Variants in ULK4 observed in about 807,000 individuals in gnomAD.
The protein encoded by ULK4 is inactive serine/threonine-protein kinase ULK4.
Under a neutral mutation model 160.6 loss-of-function variants are expected in ULK4, and 133 were observed. The ratio of observed to expected loss-of-function variants is 0.83; its 90% confidence interval spans 0.72 to 0.96. ULK4 has a LOEUF of 0.96. Among genes scored for constraint, ULK4 ranks in the 40% least tolerant of loss-of-function variants. ULK4 has a pLI of 0.00. For missense variants in ULK4, 1,580 were observed against 1,499.5 expected, an observed-to-expected ratio of 1.05 and a Z score of -0.89; for synonymous variants, 534 against 539.8, an observed-to-expected ratio of 0.99 and a Z score of 0.15.
At chr3:41,321,473 T>C (rs2080245763) in intron 35 of ULK4, among the ~76,000 whole-genome samples, 1 of 152,082 alleles carries the variant, frequency 6.6e-6, no homozygotes. Context: ...TATGATTGTG[T>C]TACAGTAGGT....
intron 35 of ULK4, among the ~76,000 whole-genome samples, chr3:41,278,715 G>A: frequency 6.6e-6 from 1 of 152,182 alleles, no homozygotes; most frequent in African/African-American, 2.4e-5. Flanking sequence ...GGGCCTGTTA[G>A]AAGGAAAACT....
At position 41,721,360 on chromosome 3, in the gene ULK4, ATATTTTT is replaced by A. The variant is rs1420214719; in HGVS notation, c.2322-3506_2322-3500del. ...TATATATATATATATATATATATAT[ATATTTTT>A]TTTTTTTTTTTTTTGAAACGGAATC... On this transcript the variant is annotated intron_variant, in intron 22 of 36. Coordinates refer to ENST00000301831, the MANE Select transcript of ULK4 (RefSeq NM_017886.4). 3.6e-3 allele frequency among the ~76,000 whole-genome samples: 186 copies of A among 51,438 alleles called. 1 individual carries two copies. The highest frequency in any genetic ancestry group is 0.021 in the African/African-American group (167 of 8,100). The allele number at this position is 51,438 out of a possible 152,430, so 33.7% of individuals were successfully genotyped here.
chr3:41,686,737 G>A (rs2036114513), intron 27 of ULK4, among the ~76,000 whole-genome samples: 1 of 152,148 alleles, frequency 6.6e-6, no homozygotes, highest in Admixed American at 6.5e-5. Flanking sequence ...ACGGCTCCAA[G>A]GGTACTCAAA....
At chr3:41,683,801 G>A (rs369938529) in intron 27 of ULK4, among the ~76,000 whole-genome samples, 1 of 151,986 alleles carries the variant, frequency 6.6e-6, no homozygotes, top group Non-Finnish European at 1.5e-5. Context: ...AGGAAACTCT[G>A]TCTGGCACTG....
At chr3:41,696,642 G>T (rs1366927675) in intron 27 of ULK4, among the ~76,000 whole-genome samples, 2 of 151,984 alleles carry the variant, frequency 1.3e-5, no homozygotes, top group African/African-American at 4.8e-5. Flanking sequence ...CACACGGCAA[G>T]AAAAACCCAC....
chr3:41,342,874 C>G (rs932409275), intron 35 of ULK4, among the ~76,000 whole-genome samples: 3 of 152,254 alleles, frequency 2.0e-5, no homozygotes, highest in South Asian at 2.1e-4. Context: ...TCAACATATG[C>G]AAATCAATAA....
intron 31 of ULK4, among the ~76,000 whole-genome samples, chr3:41,611,281 T>C (rs961638748): frequency 5.3e-5 from 8 of 152,140 alleles, no homozygotes; most frequent in Non-Finnish European, 1.2e-4. Context: ...CCAATGAAAA[T>C]GCAGAGGTCT....
At chr3:41,822,147 C>T (rs1388045748) in intron 18 of ULK4, among the ~76,000 whole-genome samples, 3 of 152,142 alleles carry the variant, frequency 2.0e-5, no homozygotes, top group African/African-American at 4.8e-5. Context: ...CCTTGCTCTT[C>T]GGATCAAGAC....
At chr3:41,727,788 T>C (rs1434536348) in intron 22 of ULK4, among the ~76,000 whole-genome samples, 2 of 152,162 alleles carry the variant, frequency 1.3e-5, no homozygotes, top group Non-Finnish European at 2.9e-5. Context: ...TATGGAAATG[T>C]AAAAAGGAAG....
intron 30 of ULK4, among the ~76,000 whole-genome samples, chr3:41,660,248 T>C (rs974367190): frequency 6.6e-6 from 1 of 152,112 alleles, no homozygotes; most frequent in Non-Finnish European, 1.5e-5. Context: ...TGAGCCGAGA[T>C]TGTGCCATTG....
At chr3:41,867,616 A>ATC (rs775948545) in intron 17 of ULK4, among the ~76,000 whole-genome samples, 34 of 152,308 alleles carry the variant, frequency 2.2e-4, no homozygotes, top group Non-Finnish European at 2.9e-4. Context: ...GCCTCAAGTG[A>ATC]TCTGCCCGCC....
chr3:41,689,633 C>T (rs1474667667), intron 27 of ULK4, among the ~76,000 whole-genome samples: 2 of 152,154 alleles, frequency 1.3e-5, no homozygotes, highest in East Asian at 1.9e-4. Flanking sequence ...GGGCAAAGGA[C>T]ATGAATACAC....
Position 41,931,917 on chromosome 3 carries a change from C to A in ULK4, c.468G>T (p.Leu156Phe). 6.2e-7 allele frequency: 1 copy of A among 1,614,050 alleles called. No homozygotes were observed. ...CACCTCCTCCTTCCTCTGCTGCCAC[C>A]AAAGCAAAGAACTCTTCCAAATTTT... is the stretch of plus-strand genomic sequence containing the variant. Reference protein sequence around the residue: ...EGENLEEFFALVAAEEGGGDN... With the variant: ...EGENLEEFFAFVAAEEGGGDN... The change falls in exon 5 of 37, where the codon TTG becomes TTT. Residue 156 changes from leucine (L) to phenylalanine (F), a missense_variant. Leu to Phe is a conservative substitution (Grantham distance 22). Transcript: ENST00000301831.
chr3:41,848,552 T>C (rs184133632), intron 17 of ULK4, among the ~76,000 whole-genome samples: 124 of 152,218 alleles, frequency 8.1e-4, no homozygotes, highest in African/African-American at 2.9e-3. Flanking sequence ...GAAACACCTT[T>C]CCTCCTACAG....
intron 35 of ULK4, among the ~76,000 whole-genome samples, chr3:41,350,718 T>G (rs2080893306): frequency 6.6e-6 from 1 of 152,284 alleles, no homozygotes; most frequent in South Asian, 2.1e-4. Flanking sequence ...AGAGAAGAGA[T>G]ACAGAAATCC....
chr3:41,781,616 T>C (rs1201889265), intron 21 of ULK4, among the ~76,000 whole-genome samples: 2 of 152,166 alleles, frequency 1.3e-5, no homozygotes, highest in East Asian at 3.8e-4. Flanking sequence ...AAGGAATGTA[T>C]ATAAATGAAG....
intron 32 of ULK4, among the ~76,000 whole-genome samples, chr3:41,523,736 T>A (rs975063654): frequency 3.9e-5 from 6 of 152,096 alleles, no homozygotes; most frequent in African/African-American, 1.2e-4. Context: ...TTCAAAAAAA[T>A]TAATCATAAA....
intron 35 of ULK4, among the ~76,000 whole-genome samples, chr3:41,298,328 AGTTT>A (rs1280934144): frequency 1.3e-5 from 2 of 152,220 alleles, no homozygotes; most frequent in Non-Finnish European, 2.9e-5. Flanking sequence ...TTTTCCTAAG[AGTTT>A]AAAGATAAAG....
chr3:41,583,458 G>T (rs1575448004), intron 31 of ULK4, among the ~76,000 whole-genome samples: 1 of 152,310 alleles, frequency 6.6e-6, no homozygotes, highest in East Asian at 1.9e-4. Flanking sequence ...TAACCATTCA[G>T]AGGGATGAAT....
Sources: gnomAD v4.1 joint callset for allele counts (sites outside exome capture counted in the v4.1 genomes callset) on GRCh38, gnomAD v4.1.1 for gene constraint, MANE v1.5 for transcripts, NCBI Gene and HGNC (gene_info 2026-07-23, HGNC 2026-07-21) for gene names.